Variants in PPP1R15B observed in about 807,000 individuals in gnomAD.
PPP1R15B encodes the protein protein phosphatase 1, regulatory (inhibitor) subunit 15B.
In PPP1R15B, 31 loss-of-function variants were observed where a neutral mutation model predicts 53.9. The ratio of observed to expected loss-of-function variants is 0.58; its 90% CI spans 0.43 to 0.78. PPP1R15B has a LOEUF of 0.78. Ranked by LOEUF, PPP1R15B falls within the 30% of genes least tolerant of loss-of-function variation. The pLI, the probability that PPP1R15B is intolerant of heterozygous loss-of-function variation, is 0.00. For missense variants in PPP1R15B, 928 were observed against 849.6 expected (o/e 1.09, Z -1.15); for synonymous variants, 345 against 329.1 (o/e 1.05, Z -0.52).
downstream of PPP1R15B, among the ~76,000 whole-genome samples, chr1:204,397,358 T>G (rs2103437548): frequency 6.6e-6 from 1 of 151,624 alleles, no homozygotes; most frequent in South Asian, 2.1e-4. Context: ...GAAACCTGTC[T>G]CTACTAAAAT....
rs1002053602 is a variant in PPP1R15B at position 204,409,921 on chromosome 1, C to G, written c.1491G>C (p.Gln497His). 2 of 1,614,068 alleles carry G rather than the reference C, an allele frequency of 1.2e-6. No homozygotes were observed. Among genetic ancestry groups the G allele is most frequent in the African/African-American group, 1.3e-5 (1 of 75,006 alleles). The change falls in exon 1 of 2, where the codon CAG becomes CAC. Residue 497 changes from glutamine to histidine, a missense_variant. By Grantham distance (24) the Gln-to-His change is conservative (BLOSUM62 0). Transcript: ENST00000367188. ...CTTCAGGAACAATTCTGGCAGCAGT[C>G]TGAATTGTTGCTGTAAAGTTCTGGG... The part of the protein sequence containing the change: ...YNPQNFTATI[Q>H]TAARIVPEEP...
intron 1 of PPP1R15B, 57 bp from the exon 2 acceptor site, chr1:204,406,370 G>T: frequency 6.3e-7 from 1 of 1,585,152 alleles, no homozygotes; most frequent in Non-Finnish European, 8.6e-7. Flanking sequence ...TCAGCATTGA[G>T]GTCAATAACC....
chr1:204,406,681 G>A (rs1252139092), intron 1 of PPP1R15B, among the ~76,000 whole-genome samples: 1 of 152,048 alleles, frequency 6.6e-6, no homozygotes, highest in Non-Finnish European at 1.5e-5. Flanking sequence ...GAACCTGGGA[G>A]GTGGAGGTTG....
rs1674238658 is a variant in PPP1R15B at position 204,404,907 on chromosome 1, T to C, written c.*1185A>G. On this transcript the variant is annotated 3_prime_UTR_variant, in exon 2 of 2. Coordinates refer to ENST00000367188, the MANE Select transcript of PPP1R15B (RefSeq NM_032833.5). ...TTCAAAGTAACCTTTGGGCTAAATA[T>C]ATTAAAACTTTCCAGTCATTAATCT... 2.0e-6 allele frequency: 2 copies of C among 985,740 alleles called. No individual in the cohort carries two copies. Among genetic ancestry groups the C allele is most frequent in the Non-Finnish European group, 2.4e-6 (2 of 829,860 alleles). The allele number at this position is 985,740 out of a possible 1,614,324, so 61.1% of individuals were successfully genotyped here.
Position 204,411,647 on chromosome 1 carries a change from G to A in PPP1R15B, c.-236C>T, listed in dbSNP as rs1293696058. 3 of 598,012 alleles carry A rather than the reference G, an allele frequency of 5.0e-6. No individual in the cohort carries two copies. Among genetic ancestry groups the A allele is most frequent in the African/African-American group, 1.9e-5 (1 of 53,934 alleles). The allele number at this position is 598,012 out of a possible 1,614,324, so 37.0% of individuals were successfully genotyped here. A position where few individuals can be genotyped will look rare whatever the true frequency, so the allele number is the denominator to read the frequency against. On this transcript the variant is annotated 5_prime_UTR_variant, in exon 1 of 2. Transcript: ENST00000367188. Reference sequence around the variant, plus strand: ...GGCGACTGATGCGACTTCCATCCTGGCGGGGAAGGAGGTTCCCTAGTCGGC... The same window carrying A: ...GGCGACTGATGCGACTTCCATCCTGACGGGGAAGGAGGTTCCCTAGTCGGC...
chr1:204,396,606 G>A (rs1674103415), downstream of PPP1R15B, among the ~76,000 whole-genome samples: 1 of 151,520 alleles, frequency 6.6e-6, no homozygotes, highest in Admixed American at 6.6e-5. Context: ...AAAAGCTGGA[G>A]GTTGGGAAGG....
chr1:204,409,441 A>T (rs368265401), intron 1 of PPP1R15B, 51 bp downstream of exon 1: 60 of 1,537,266 alleles, frequency 3.9e-5, no homozygotes, highest in Non-Finnish European at 5.1e-5. Flanking sequence ...ATATTTAAGC[A>T]TATAAAAACA....
downstream of PPP1R15B, among the ~76,000 whole-genome samples, chr1:204,401,057 C>G (rs575342154): frequency 6.6e-5 from 10 of 152,350 alleles, no homozygotes; most frequent in East Asian, 1.3e-3. Flanking sequence ...ATTAAGGCGT[C>G]TGCCAGTGGT....
downstream of PPP1R15B, among the ~76,000 whole-genome samples, chr1:204,398,466 G>A (rs1040250113): frequency 1.3e-5 from 2 of 151,976 alleles, no homozygotes; most frequent in African/African-American, 4.8e-5. Flanking sequence ...AGGCCTGGGC[G>A]ACAGCAAGAC....
Position 204,409,896 on chromosome 1 carries a change from C to T in PPP1R15B, c.1516G>A (p.Glu506Lys), listed in dbSNP as rs150224664. ...IQTAARIVPE[E>K]PSDSEKDLSG... ...AAATCCTTCTCTGAATCAGAAGGCT[C>T]TTCAGGAACAATTCTGGCAGCAGTC... The change falls in exon 1 of 2, where the codon GAG becomes AAG. Residue 506 changes from glutamate (E) to lysine (K), a missense_variant. Physicochemically the swap from Glu to Lys is moderately conservative, Grantham distance 56. Coordinates refer to ENST00000367188, the MANE Select transcript of PPP1R15B (RefSeq NM_032833.5). The T allele has an allele frequency of 2.3e-4, 373 of 1,614,076 alleles. No homozygotes were observed. The highest frequency in any genetic ancestry group is 2.9e-4 in the Non-Finnish European group (344 of 1,180,002).
rs755194116 is a variant in PPP1R15B at position 204,411,012 on chromosome 1, G to T, written c.400C>A (p.Pro134Thr). The T allele has an allele frequency of 1.2e-6, 2 of 1,614,086 alleles. No homozygotes were observed. Among genetic ancestry groups the T allele is most frequent in the Non-Finnish European group, 1.7e-6 (2 of 1,180,028 alleles). The change falls in exon 1 of 2, where the codon CCC becomes ACC. Residue 134 changes from proline to threonine, a missense_variant. Pro to Thr is a conservative substitution (Grantham distance 38, BLOSUM62 -1). Transcript: ENST00000367188. ...CAATCAAGGGGACTGGTGACCGAGGGGTCTGAGGAGTCGAGCTGCAGCGAA... is the reference window on the plus strand; with the variant it reads ...CAATCAAGGGGACTGGTGACCGAGGTGTCTGAGGAGTCGAGCTGCAGCGAA... ...LSSLQLDSSD[P>T]SVTSPLDWLE...
In PPP1R15B at chr1:204,404,202, A is replaced by G. The variant is rs186880287; in HGVS notation, c.*1890T>C. 6 of 985,324 alleles carry G rather than the reference A, an allele frequency of 6.1e-6. No individual in the cohort carries two copies. The highest frequency in any genetic ancestry group is 3.5e-5 in the African/African-American group (2 of 57,324). The allele number at this position is 985,324 out of a possible 1,614,324, so 61.0% of individuals were successfully genotyped here. On this transcript the variant is annotated 3_prime_UTR_variant, in exon 2 of 2. Coordinates refer to ENST00000367188, the MANE Select transcript of PPP1R15B (RefSeq NM_032833.5). The stretch of plus-strand genomic sequence containing the variant: ...GTAAATGTGCTCCCTATGATTACCT[A>G]AAGTGGAGGTGCACAAAACACACAG...
In PPP1R15B at chr1:204,411,532, C is replaced by G. The variant is rs914401415; in HGVS notation, c.-121G>C. 2 of 1,347,928 alleles carry G rather than the reference C, an allele frequency of 1.5e-6. No individual in the cohort carries two copies. Among genetic ancestry groups the G allele is most frequent in the African/African-American group, 1.5e-5 (1 of 68,548 alleles). 83.5% of individuals were successfully genotyped at this position (1,347,928 alleles called of 1,614,324 possible). A position where few individuals can be genotyped will look rare whatever the true frequency, so the allele number is the denominator to read the frequency against. ...CCAGCGGTGGCGTCGCTGCTCCAGG[C>G]CGATCTTCGAGCCAGCAGAAAAGCC... On this transcript the variant is annotated 5_prime_UTR_variant, in exon 1 of 2. Transcript: ENST00000367188.
downstream of PPP1R15B, among the ~76,000 whole-genome samples, chr1:204,396,530 G>A (rs1674102462): frequency 6.8e-6 from 1 of 147,156 alleles, no homozygotes; most frequent in Non-Finnish European, 1.5e-5. Flanking sequence ...TCCAGCCTGG[G>A]TGACAGTAAG....
chr1:204,398,073 T>C (rs1357519572), downstream of PPP1R15B, among the ~76,000 whole-genome samples: 3 of 152,182 alleles, frequency 2.0e-5, no homozygotes, highest in African/African-American at 7.2e-5. Flanking sequence ...TAAAGAAAAG[T>C]GTATCATGTG....
At chr1:204,398,860 C>G (rs906620434), downstream of PPP1R15B, among the ~76,000 whole-genome samples, 2 of 152,202 alleles carry the variant, frequency 1.3e-5, no homozygotes, top group Non-Finnish European at 2.9e-5. Flanking sequence ...AAAGGAGGGT[C>G]TCAGTTGATT....
In PPP1R15B at chr1:204,409,704, T is replaced by G. The variant is rs1674326438; in HGVS notation, c.1708A>C (p.Asn570His). The G allele has an allele frequency of 1.2e-6, 2 of 1,613,896 alleles. No individual in the cohort carries two copies. The highest frequency in any genetic ancestry group is 1.7e-6 in the Non-Finnish European group (2 of 1,180,010). Residue 570 changes from asparagine to histidine, a missense_variant, in exon 1 of 2, where the codon AAT (asparagine) becomes CAT (histidine). By Grantham distance (68) the Asn-to-His change is moderately conservative. Transcript: ENST00000367188. ...GATGTTTGAAAAGGAGCCTTAAAAT[T>G]TAAAGGGTTGTAGGGGTCATCAGAA... ...CNSDDPYNPL[N>H]FKAPFQTSGE...
chr1:204,406,182 T>C lies in PPP1R15B; in HGVS notation c.2052A>G (p.Gly684=). The part of the protein sequence containing the change: ...KRIQETEDAI[G]YCLTFEHRER... ...CTCTGTGTTCAAATGTCAAGCAATATCCAATAGCATCTTCTGTTTCTTGAA... is the reference window on the plus strand; with the variant it reads ...CTCTGTGTTCAAATGTCAAGCAATACCCAATAGCATCTTCTGTTTCTTGAA... The change falls in exon 2 of 2, where the codon GGA becomes GGG. Residue 684 remains glycine, a synonymous_variant. Coordinates refer to ENST00000367188, the MANE Select transcript of PPP1R15B (RefSeq NM_032833.5). 1 of 1,614,164 alleles carries C rather than the reference T, an allele frequency of 6.2e-7. No individual in the cohort carries two copies.
chr1:204,402,941 A>G (rs1232708421), downstream of PPP1R15B, among the ~76,000 whole-genome samples: 5 of 152,024 alleles, frequency 3.3e-5, no homozygotes, highest in South Asian at 2.1e-4. Context: ...GCATGGTGGC[A>G]GGTGCCTGTG....
Sources: allele counts gnomAD v4.1 joint callset (sites outside exome capture counted in the v4.1 genomes callset), GRCh38; gene constraint gnomAD v4.1.1; transcripts MANE v1.5; gene names NCBI Gene and HGNC (gene_info 2026-07-23, HGNC 2026-07-21).